The following RLF variants were observed in gnomAD, a reference collection of about 807,000 sequenced individuals.
RLF encodes zinc finger protein Rlf.
RLF carries 7 observed loss-of-function variants against 162.9 expected under a neutral mutation model. The ratio of observed to expected loss-of-function variants is 0.04; its 90% CI spans 0.02 to 0.08. RLF has a LOEUF of 0.08. Among genes scored for constraint, RLF ranks in the 10% least tolerant of loss-of-function variants. The pLI, the probability that RLF is intolerant of heterozygous loss-of-function variation, is 1.00. For missense variants in RLF, 1,664 were observed against 2,244.7 expected, an observed-to-expected ratio of 0.74 and a Z score of 5.23; for synonymous variants, 782 against 791.5, an observed-to-expected ratio of 0.99 and a Z score of 0.20.
chr1:40,231,567 T>C lies in RLF; in HGVS notation c.998T>C (p.Leu333Ser). 3 of 1,614,058 alleles carry C rather than the reference T, an allele frequency of 1.9e-6. No homozygotes were observed. Among genetic ancestry groups the C allele is most frequent in the Non-Finnish European group, 2.5e-6 (3 of 1,179,934 alleles). Residue 333 changes from leucine to serine, a missense_variant, in exon 7 of 8, where the codon TTA becomes TCA. Coordinates refer to ENST00000372771, the MANE Select transcript of RLF (RefSeq NM_012421.4). ...CTGCAAAGAAGAATTGACCCTTCTTTAGATACTTTTTTGGAGCGCTGTCGT... is the reference window on the plus strand; with the variant it reads ...CTGCAAAGAAGAATTGACCCTTCTTCAGATACTTTTTTGGAGCGCTGTCGT... ...SKLQRRIDPS[L>S]DTFLERCRQF...
intron 1 of RLF, among the ~76,000 whole-genome samples, chr1:40,163,966 A>G (rs369174869): frequency 3.9e-5 from 6 of 152,192 alleles, no homozygotes; most frequent in African/African-American, 1.2e-4. Context: ...AAGCAGGAAA[A>G]TTTTCACCAT....
rs1488313889 is a variant in RLF, at chr1:40,240,450, A to G, written c.*3A>G. The G allele has an allele frequency of 1.9e-6, 3 of 1,603,926 alleles. No homozygotes were observed. The highest frequency in any genetic ancestry group is 8.5e-7 in the Non-Finnish European group (1 of 1,174,110). On this transcript the variant is annotated 3_prime_UTR_variant, in exon 8 of 8. Coordinates refer to ENST00000372771, the MANE Select transcript of RLF (RefSeq NM_012421.4). ...AGCTTTGTGTAGGAAGTTCATAAGT[A>G]GCAATTTTGTTTTAGTAACAGACTG...
intron 1 of RLF, among the ~76,000 whole-genome samples, chr1:40,181,405 G>C (rs552333702): frequency 1.1e-4 from 16 of 152,124 alleles, no homozygotes; most frequent in Admixed American, 5.2e-4. Flanking sequence ...ACTCCAGCCT[G>C]GGCAGCAGAG....
intron 1 of RLF, among the ~76,000 whole-genome samples, chr1:40,184,278 G>A (rs955447168): frequency 7.2e-5 from 11 of 152,234 alleles, no homozygotes; most frequent in African/African-American, 2.2e-4. Context: ...ACAGACATAC[G>A]TGATTATAAC....
chr1:40,215,446 C>T (rs1642913773), intron 5 of RLF, among the ~76,000 whole-genome samples: 1 of 151,552 alleles, frequency 6.6e-6, no homozygotes, highest in Admixed American at 6.6e-5. Context: ...TCTCTAACTA[C>T]AGTAAAATAA....
chr1:40,200,867 TACACACACACAC>T (rs71060356), intron 4 of RLF, among the ~76,000 whole-genome samples: 1,015 of 34,786 alleles, frequency 0.029, 24 homozygotes, highest in Admixed American at 0.036. Flanking sequence ...ATTGCTACTC[TACACACACACAC>T]ACACACACAC....
At chr1:40,164,872 G>A (rs892498635) in intron 1 of RLF, among the ~76,000 whole-genome samples, 3 of 152,100 alleles carry the variant, frequency 2.0e-5, no homozygotes, top group East Asian at 1.9e-4. Flanking sequence ...CAGTGACTTC[G>A]TAGATTTTTG....
intron 6 of RLF, among the ~76,000 whole-genome samples, chr1:40,224,623 C>CTTTTTTTTTTTTTTTTT (rs1168908018): frequency 2.1e-4 from 7 of 33,262 alleles, no homozygotes; most frequent in East Asian, 1.4e-3. Flanking sequence ...TTTTTGAAAG[C>CTTTTTTTTTTTTTTTTT]TTTTTTTTTT....
intron 1 of RLF, among the ~76,000 whole-genome samples, chr1:40,163,569 A>T (rs1642125598): frequency 6.6e-6 from 1 of 152,210 alleles, no homozygotes; most frequent in Non-Finnish European, 1.5e-5. Flanking sequence ...TTTTTAAAAG[A>T]AAGCATGTGT....
intron 1 of RLF, among the ~76,000 whole-genome samples, chr1:40,175,234 G>A (rs562471470): frequency 2.0e-5 from 3 of 151,656 alleles, no homozygotes; most frequent in South Asian, 4.2e-4. Context: ...TAGACCAGAC[G>A]TTCCCATAAA....
chr1:40,163,080 T>C (rs7521146), intron 1 of RLF, among the ~76,000 whole-genome samples: 7,930 of 152,214 alleles, frequency 0.052, 603 homozygotes, highest in African/African-American at 0.17. Flanking sequence ...GGAGAGAGCC[T>C]TCATGGGATA....
At position 40,239,672 on chromosome 1, in the gene RLF, G is replaced by A; in HGVS notation, c.4970G>A (p.Ser1657Asn). Reference protein sequence around the residue: ...RDGGQKGCIESSSVFDADTLL... With the variant: ...RDGGQKGCIENSSVFDADTLL... ...GGAGGTCAGAAAGGGTGCATAGAAA[G>A]CAGCTCAGTATTTGATGCAGATACT... Residue 1657 changes from serine (S) to asparagine (N), a missense_variant, in exon 8 of 8, where the codon AGC becomes AAC. This residue lies in a region of RLF where 327 missense variants were observed against 342.7 expected (regional missense o/e 0.95). Transcript: ENST00000372771. 1 of 1,614,214 alleles carries A rather than the reference G, an allele frequency of 6.2e-7. No homozygotes were observed. Among genetic ancestry groups the A allele is most frequent in the Non-Finnish European group, 8.5e-7 (1 of 1,180,040 alleles).
intron 1 of RLF, among the ~76,000 whole-genome samples, chr1:40,171,386 C>T (rs1218122287): frequency 1.3e-5 from 2 of 152,080 alleles, no homozygotes; most frequent in Non-Finnish European, 2.9e-5. Flanking sequence ...CGTTAGCCAG[C>T]ACAATTTCTT....
At chr1:40,194,178 C>T (rs1642598082) in intron 3 of RLF, among the ~76,000 whole-genome samples, 1 of 152,114 alleles carries the variant, frequency 6.6e-6, no homozygotes, top group East Asian at 1.9e-4. Context: ...CTTTTCAGGA[C>T]ATTTTATATA....
At chr1:40,171,500 A>G (rs990719744) in intron 1 of RLF, among the ~76,000 whole-genome samples, 1 of 152,176 alleles carries the variant, frequency 6.6e-6, no homozygotes, top group Non-Finnish European at 1.5e-5. Flanking sequence ...TAAAATAGGC[A>G]TATTTTTGTG....
chr1:40,170,851 T>C (rs1480991304), intron 1 of RLF, among the ~76,000 whole-genome samples: 1 of 152,238 alleles, frequency 6.6e-6, no homozygotes, highest in Non-Finnish European at 1.5e-5. Flanking sequence ...CCTATATTGC[T>C]GCAACATAGG....
rs2124563901 is a variant in RLF, at chr1:40,239,136, A to C, written c.4434A>C (p.Arg1478Ser). Residue 1478 changes from arginine to serine, a missense_variant, in exon 8 of 8, where the codon AGA becomes AGC. Arg to Ser is a moderately radical substitution (Grantham distance 110). Around this residue, in one of 15 missense-constraint regions of RLF, gnomAD observed 200 missense variants for 207.3 expected, o/e 0.96. Transcript: ENST00000372771. ...RHKDYYDDLF[R>S]SQKVANERLL... The stretch of plus-strand genomic sequence containing the variant: ...AAGACTATTATGATGATTTGTTTAG[A>C]AGCCAGAAAGTAGCAAATGAGAGAC... 1 of 1,614,144 alleles carries C rather than the reference A, an allele frequency of 6.2e-7. No homozygotes were observed. Among genetic ancestry groups the C allele is most frequent in the East Asian group, 2.2e-5 (1 of 44,886 alleles).
Position 40,232,215 on chromosome 1 carries a change from T to TA in RLF, c.1089+557_1089+558insA, listed in dbSNP as rs1557760526. ...AGAGTGAGACTTGGTCTTTTTTTTT[T>TA]TAAAAAAAAAAAAAAGAACATTTCA... On this transcript the variant is annotated intron_variant, in intron 7 of 7. Coordinates refer to ENST00000372771, the MANE Select transcript of RLF (RefSeq NM_012421.4). Among the ~76,000 whole-genome samples, 537 of 149,558 alleles carry TA rather than the reference T, an allele frequency of 3.6e-3. 11 individuals carry two copies. The highest frequency in any genetic ancestry group is 0.028 in the East Asian group (144 of 5,126).
intron 5 of RLF, among the ~76,000 whole-genome samples, chr1:40,211,307 A>C (rs1642861589): frequency 6.6e-6 from 1 of 152,240 alleles, no homozygotes; most frequent in South Asian, 2.1e-4. Flanking sequence ...CCCTTCCTGC[A>C]TTAAGCTAAT....
Sources: gnomAD v4.1 joint callset for allele counts (sites outside exome capture counted in the v4.1 genomes callset) on GRCh38, gnomAD v4.1.1 for gene constraint, gnomAD v4.1.1 regional missense constraint, MANE v1.5 for transcripts, NCBI Gene and HGNC (gene_info 2026-07-23, HGNC 2026-07-21) for gene names.